GRIK2: variants seen among roughly 807,000 people sequenced by gnomAD.
GRIK2 encodes glutamate ionotropic receptor kainate type subunit 2, also known as glutamate receptor ionotropic, kainate 2.
GRIK2 carries 32 observed loss-of-function variants against 100.3 expected under a neutral mutation model. The observed-to-expected ratio is 0.32, with a 90% CI of 0.24 to 0.43. GRIK2 has a LOEUF of 0.43. GRIK2 is among the 20% of genes least tolerant of loss of function. The pLI, the probability that GRIK2 is intolerant of heterozygous loss-of-function variation, is 1.00. For synonymous variants in GRIK2, 417 were observed against 389.4 expected (o/e 1.07, Z -0.83); for missense variants, 843 against 1,114.9 (o/e 0.76, Z 3.47).
intron 2 of GRIK2, among the ~76,000 whole-genome samples, chr6:101,495,873 CAT>C (rs1371101725): frequency 6.6e-6 from 1 of 151,574 alleles, no homozygotes; most frequent in Non-Finnish European, 1.5e-5. Flanking sequence ...TTTCCTAAAT[CAT>C]ATACTGACTA....
At chr6:101,609,303 T>C (rs1779571270) in intron 2 of GRIK2, among the ~76,000 whole-genome samples, 1 of 151,874 alleles carries the variant, frequency 6.6e-6, no homozygotes, top group Non-Finnish European at 1.5e-5. Flanking sequence ...CTTTCAGTTT[T>C]TCAATTTCAC....
At chr6:101,565,442 C>G (rs1310251421) in intron 2 of GRIK2, among the ~76,000 whole-genome samples, 2 of 151,936 alleles carry the variant, frequency 1.3e-5, no homozygotes, top group African/African-American at 4.8e-5. Context: ...GAATATAATT[C>G]TAAAGATAAA....
In GRIK2 at chr6:101,487,746, C is replaced by CT. The variant is rs1412027935; in HGVS notation, c.115+88360dup. On this transcript the variant is annotated intron_variant, in intron 2 of 16. Transcript: ENST00000369134. ...TATCAATACTATGTAGTAATTATAGCTTTTTTGTTCTAGTGTTATGGATAC... is the reference window on the plus strand; with the variant it reads ...TATCAATACTATGTAGTAATTATAGCTTTTTTTGTTCTAGTGTTATGGATAC... Among the ~76,000 whole-genome samples, 23 of 146,328 alleles carry CT rather than the reference C, an allele frequency of 1.6e-4. 5 individuals carry two copies. The highest frequency in any genetic ancestry group is 5.5e-4 in the African/African-American group (21 of 38,482).
chr6:101,572,815 ATTATTTATTTATTTAT>A (rs3056164), intron 2 of GRIK2, among the ~76,000 whole-genome samples: 58 of 109,830 alleles, frequency 5.3e-4, no homozygotes, highest in Non-Finnish European at 7.6e-4. Flanking sequence ...ATTGTTGTTT[ATTATTTATTTATTTAT>A]TTATTTATTT....
intron 2 of GRIK2, among the ~76,000 whole-genome samples, chr6:101,582,715 A>AT (rs1201623162): frequency 2.0e-5 from 3 of 152,154 alleles, no homozygotes; most frequent in Non-Finnish European, 2.9e-5. Flanking sequence ...CTACATTTCA[A>AT]TTTGTGAAGA....
chr6:102,026,687 T>G (rs1769722181), intron 14 of GRIK2, among the ~76,000 whole-genome samples: 1 of 151,248 alleles, frequency 6.6e-6, no homozygotes. Flanking sequence ...TCACTCTGAT[T>G]TCTTTTATTC....
Position 101,788,633 on chromosome 6 carries a change from C to T in GRIK2, c.952-11015C>T, listed in dbSNP as rs1388798708. Among the ~76,000 whole-genome samples, 4 of 152,162 alleles carry T rather than the reference C, an allele frequency of 2.6e-5. No homozygotes were observed. In the East Asian group the frequency reaches 7.7e-4, roughly 29 times the overall value. ...CATTGTTGGACATTTGGGTTGGATC[C>T]AAGTCTTTGCTATTGTGAATAGTGC... On this transcript the variant is annotated intron_variant, in intron 7 of 16. Transcript: ENST00000369134.
intron 4 of GRIK2, among the ~76,000 whole-genome samples, chr6:101,644,107 G>A (rs1028275308): frequency 4.6e-5 from 7 of 151,654 alleles, no homozygotes; most frequent in East Asian, 1.9e-4. Flanking sequence ...GGCCAAAGAA[G>A]AACCAAATGT....
intron 7 of GRIK2, among the ~76,000 whole-genome samples, chr6:101,700,714 T>G (rs187938691): frequency 2.7e-5 from 4 of 149,142 alleles, no homozygotes; most frequent in Admixed American, 2.0e-4. Flanking sequence ...CCTTCTAACT[T>G]GATAACTTGT....
chr6:101,965,066 T>C (rs1213956482), intron 14 of GRIK2, among the ~76,000 whole-genome samples: 1 of 152,112 alleles, frequency 6.6e-6, no homozygotes, highest in African/African-American at 2.4e-5. Flanking sequence ...ATTGAGGCAT[T>C]TGGGTGTGGT....
chr6:101,848,532 T>C (rs1783935364), intron 10 of GRIK2, among the ~76,000 whole-genome samples: 1 of 152,150 alleles, frequency 6.6e-6, no homozygotes, highest in South Asian at 2.1e-4. Context: ...GATGAATGAA[T>C]ACATCCAAAA....
At chr6:102,015,801 C>T (rs1198335910) in intron 14 of GRIK2, among the ~76,000 whole-genome samples, 5 of 152,148 alleles carry the variant, frequency 3.3e-5, no homozygotes, top group Non-Finnish European at 7.4e-5. Context: ...CACAGCAGGT[C>T]CCTAACCTTG....
At chr6:101,981,395 A>G (rs908366848) in intron 14 of GRIK2, among the ~76,000 whole-genome samples, 2 of 151,860 alleles carry the variant, frequency 1.3e-5, no homozygotes, top group Non-Finnish European at 2.9e-5. Context: ...GGATGTGGCA[A>G]TTTAAAAGGT....
intron 2 of GRIK2, among the ~76,000 whole-genome samples, chr6:101,607,285 G>A (rs557469686): frequency 4.1e-4 from 63 of 152,058 alleles, no homozygotes; most frequent in Middle Eastern, 3.4e-3. Flanking sequence ...AGGATTGGAC[G>A]AGGCACAATG....
rs887582521 is a variant in GRIK2 at position 101,799,809 on chromosome 6, C to T, written c.1095+18C>T. 21 of 1,600,160 alleles carry T rather than the reference C, an allele frequency of 1.3e-5. No individual in the cohort carries two copies. Among genetic ancestry groups the T allele is most frequent in the Admixed American group, 3.3e-5 (2 of 59,790 alleles). On this transcript the variant is annotated intron_variant, in intron 8 of 16. Coordinates refer to ENST00000369134, the MANE Select transcript of GRIK2 (RefSeq NM_021956.5). ...TTAAAGAGGTAAGTTAGGAGAAGAA[C>T]ATCTGCCTTGTCTCTTTTGTTGTCA...
At chr6:101,586,659 A>G (rs1034904448) in intron 2 of GRIK2, among the ~76,000 whole-genome samples, 11 of 152,150 alleles carry the variant, frequency 7.2e-5, no homozygotes, top group African/African-American at 2.4e-4. Context: ...GCCTGTGCTC[A>G]GAAGTTTGAG....
intron 14 of GRIK2, among the ~76,000 whole-genome samples, chr6:101,979,219 A>T (rs145510834): frequency 5.9e-5 from 9 of 152,094 alleles, no homozygotes; most frequent in African/African-American, 2.2e-4. Flanking sequence ...GACTACAGGA[A>T]ACTATTATGG....
chr6:101,972,070 T>C (rs1793086938), intron 14 of GRIK2, among the ~76,000 whole-genome samples: 1 of 152,070 alleles, frequency 6.6e-6, no homozygotes, highest in South Asian at 2.1e-4. Context: ...AATGCATGTG[T>C]CTTTTTGGTA....
chr6:101,515,727 T>C (rs1407726122), intron 2 of GRIK2, among the ~76,000 whole-genome samples: 1 of 152,170 alleles, frequency 6.6e-6, no homozygotes, highest in East Asian at 1.9e-4. Context: ...TTGAGAATTG[T>C]CTATTCATAT....
Sources: allele counts gnomAD v4.1 joint callset (sites outside exome capture counted in the v4.1 genomes callset), GRCh38; gene constraint gnomAD v4.1.1; transcripts MANE v1.5; gene names NCBI Gene and HGNC (gene_info 2026-07-23, HGNC 2026-07-21).